Variants in ZNF578 observed in about 807,000 individuals in gnomAD.
The protein encoded by ZNF578 is Putative chemokine-related protein B42.
A neutral mutation model predicts 8.3 loss-of-function variants in ZNF578; 8 were observed. The ratio of observed to expected loss-of-function variants is 0.96; its 90% CI spans 0.56 to 1.74. ZNF578 has a LOEUF of 1.74. Ranked by LOEUF, ZNF578 falls within the 40% of genes most tolerant of loss-of-function variation. ZNF578 has a pLI of 0.00. For synonymous variants in ZNF578, 206 were observed against 232.2 expected, an observed-to-expected ratio of 0.89 and a Z score of 1.03; for missense variants, 726 against 707.5, an observed-to-expected ratio of 1.03 and a Z score of -0.30.
chr19:52,462,052 A>T (rs919599683), intron 2 of ZNF578, among the ~76,000 whole-genome samples: 1 of 152,208 alleles, frequency 6.6e-6, no homozygotes, highest in Admixed American at 6.5e-5. Context: ...GGACCAATCA[A>T]TGATGATTCC....
chr19:52,492,407 GA>G (rs1473999932), intron 3 of ZNF578, among the ~76,000 whole-genome samples: 1 of 152,162 alleles, frequency 6.6e-6, no homozygotes, highest in African/African-American at 2.4e-5. Context: ...ATCCCAGGCG[GA>G]GGCCCTAGGG....
rs375959532 is a variant in ZNF578, at chr19:52,471,492, T to C, written c.-122+14534T>C. ...ACACCTCTGCACTCCCTCTTTGTAT[T>C]CTGCCCATCTTGTCAAGCTGATAAT... On this transcript the variant is annotated intron_variant, in intron 2 of 5. Coordinates refer to ENST00000421239, the MANE Select transcript of ZNF578 (RefSeq NM_001099694.2). 2.6e-5 allele frequency among the ~76,000 whole-genome samples: 4 copies of C among 152,178 alleles called. No homozygotes were observed. In the East Asian group the frequency reaches 7.7e-4, roughly 29 times the overall value.
chr19:52,503,709 C>T (rs1358269335), intron 4 of ZNF578, among the ~76,000 whole-genome samples: 7 of 152,000 alleles, frequency 4.6e-5, no homozygotes, highest in Non-Finnish European at 8.8e-5. Context: ...CTCTGAAACA[C>T]CACTTGTATC....
intron 1 of ZNF578, chr19:52,454,045 C>T (rs576236562): frequency 6.6e-6 from 1 of 152,170 alleles, no homozygotes; most frequent in African/African-American, 2.4e-5. Context: ...CCAACCTTGT[C>T]CTCCTTGGGC....
chr19:52,499,810 C>T (rs774304620), intron 3 of ZNF578, among the ~76,000 whole-genome samples: 15 of 151,832 alleles, frequency 9.9e-5, no homozygotes, highest in East Asian at 5.8e-4. Flanking sequence ...CTCAGACTCC[C>T]GAGTAGCTGG....
intron 3 of ZNF578, among the ~76,000 whole-genome samples, chr19:52,494,189 G>A (rs1484795051): frequency 6.6e-6 from 1 of 151,796 alleles, no homozygotes; most frequent in Non-Finnish European, 1.5e-5. Flanking sequence ...GGGAAGCACA[G>A]TAATGAAGAA....
At chr19:52,498,428 T>TAACCC (rs1379473543) in intron 3 of ZNF578, among the ~76,000 whole-genome samples, 1 of 150,374 alleles carries the variant, frequency 6.7e-6, no homozygotes. Flanking sequence ...GCCTCCTTGG[T>TAACCC]TCATGCCATT....
rs748879420 is a variant in ZNF578, at chr19:52,510,872, T to C, written c.491T>C (p.Leu164Pro). ...DQLGLSFHLH[L>P]PELHIFQPEE... ...CTTGGATTAAGCTTTCATTTGCATCTTCCTGAACTCCACATATTTCAGCCC... is the reference window on the plus strand; with the variant it reads ...CTTGGATTAAGCTTTCATTTGCATCCTCCTGAACTCCACATATTTCAGCCC... Residue 164 changes from leucine to proline, a missense_variant, in exon 6 of 6, where the codon CTT (leucine) becomes CCT (proline). Coordinates refer to ENST00000421239, the MANE Select transcript of ZNF578 (RefSeq NM_001099694.2). The C allele has an allele frequency of 6.2e-7, 1 of 1,614,214 alleles. No individual in the cohort carries two copies. Among genetic ancestry groups the C allele is most frequent in the South Asian group, 1.1e-5 (1 of 91,090 alleles).
chr19:52,482,789 T>C (rs1475745976), intron 2 of ZNF578, among the ~76,000 whole-genome samples: 2 of 151,200 alleles, frequency 1.3e-5, no homozygotes, highest in African/African-American at 4.9e-5. Context: ...GTACAAAAAT[T>C]AGCGGGGTGT....
At chr19:52,478,920 T>G (rs4801917) in intron 2 of ZNF578, among the ~76,000 whole-genome samples, 58,236 of 151,138 alleles carry the variant, frequency 0.39, 14,471 homozygotes, top group East Asian at 0.7. Flanking sequence ...CACCATATTT[T>G]TCAGGCTGGT....
chr19:52,481,514 A>G (rs2059326355), intron 2 of ZNF578, among the ~76,000 whole-genome samples: 2 of 152,232 alleles, frequency 1.3e-5, no homozygotes, highest in Non-Finnish European at 2.9e-5. Flanking sequence ...TTCAAATTAT[A>G]CATATGAGAT....
At chr19:52,470,986 G>A (rs763022074) in intron 2 of ZNF578, among the ~76,000 whole-genome samples, 7 of 152,132 alleles carry the variant, frequency 4.6e-5, no homozygotes, top group Non-Finnish European at 8.8e-5. Flanking sequence ...GCAATAGTGA[G>A]TTCTTGTGAG....
chr19:52,453,930 C>T (rs2059230606), intron 1 of ZNF578: 2 of 152,306 alleles, frequency 1.3e-5, no homozygotes, highest in South Asian at 4.1e-4. Context: ...CAAGCCTCGC[C>T]CTTCTGGCCT....
At chr19:52,492,782 G>C (rs778076031) in intron 3 of ZNF578, 4 of 152,134 alleles carry the variant, frequency 2.6e-5, no homozygotes, top group African/African-American at 2.4e-5. Context: ...AACTGTTCGC[G>C]GGCCCCGCCC....
intron 2 of ZNF578, among the ~76,000 whole-genome samples, chr19:52,464,764 CTGTT>C (rs1419893315): frequency 6.6e-6 from 1 of 152,180 alleles, no homozygotes; most frequent in East Asian, 1.9e-4. Flanking sequence ...AACTGTGTGA[CTGTT>C]TAACATATCC....
chr19:52,511,103 A>T lies in ZNF578; in HGVS notation c.722A>T (p.Asn241Ile). Residue 241 changes from asparagine to isoleucine, a missense_variant, in exon 6 of 6, where the codon AAT (asparagine) becomes ATT (isoleucine). By Grantham distance (149) the Asn-to-Ile change is moderately radical (BLOSUM62 -3). Transcript: ENST00000421239. ...FQCNETGEAF[N>I]CSSFVRKHQI... ...TGTAATGAGACTGGCGAAGCCTTTA[A>T]TTGTAGCTCATTTGTAAGGAAACAT... 1 of 1,614,160 alleles carries T rather than the reference A, an allele frequency of 6.2e-7. No homozygotes were observed. Among genetic ancestry groups the T allele is most frequent in the South Asian group, 1.1e-5 (1 of 91,082 alleles).
chr19:52,490,655 T>C (rs1228041638), intron 2 of ZNF578, among the ~76,000 whole-genome samples: 2 of 151,598 alleles, frequency 1.3e-5, no homozygotes, highest in African/African-American at 2.4e-5. Context: ...TTTTTTTTTT[T>C]GAGACGGAGT....
Position 52,489,166 on chromosome 19 carries a change from G to T in ZNF578, c.-121-2158G>T, listed in dbSNP as rs2059356378. ...CGTCTGTAGTCCCATCTACTCCGGA[G>T]GCTGAGGCAGGAGAATCTCTTTAGG... On this transcript the variant is annotated intron_variant, in intron 2 of 5. Coordinates refer to ENST00000421239, the MANE Select transcript of ZNF578 (RefSeq NM_001099694.2). 4.0e-5 allele frequency among the ~76,000 whole-genome samples: 6 copies of T among 151,288 alleles called. No individual in the cohort carries two copies. The South Asian group carries it at 1.3e-3, about 32-fold the overall frequency.
chr19:52,459,330 G>A (rs932331810), intron 2 of ZNF578, among the ~76,000 whole-genome samples: 1 of 152,112 alleles, frequency 6.6e-6, no homozygotes, highest in Admixed American at 6.5e-5. Flanking sequence ...AGTATCCCAC[G>A]TGAGTGGAAT....
Sources: allele counts gnomAD v4.1 joint callset (sites outside exome capture counted in the v4.1 genomes callset), GRCh38; gene constraint gnomAD v4.1.1; transcripts MANE v1.5; gene names NCBI Gene and HGNC (gene_info 2026-07-23, HGNC 2026-07-21).